The following TRPM6 variants were observed in gnomAD, a reference collection of about 807,000 sequenced individuals.
TRPM6 encodes channel kinase 2.
In TRPM6, 111 loss-of-function variants were observed where a neutral mutation model predicts 247.6. That is an observed-to-expected ratio of 0.45 (90% CI 0.38 to 0.52). TRPM6 has a LOEUF of 0.52. Ranked by LOEUF, TRPM6 falls within the 20% of genes least tolerant of loss-of-function variation. The pLI is 0.00. For synonymous variants in TRPM6, 892 were observed against 853.8 expected (o/e 1.04, Z -0.78); for missense variants, 2,126 against 2,421.5 (o/e 0.88, Z 2.56).
At position 74,786,084 on chromosome 9, in the gene TRPM6, C is replaced by T; in HGVS notation, c.2709G>A (p.Lys903=). 1 of 1,614,202 alleles carries T rather than the reference C, an allele frequency of 6.2e-7. No homozygotes were observed. Among genetic ancestry groups the T allele is most frequent in the Non-Finnish European group, 8.5e-7 (1 of 1,180,030 alleles). The change falls in exon 21 of 39, where the codon AAG becomes AAA. Residue 903 remains lysine, a synonymous_variant. Transcript: ENST00000360774. The stretch of plus-strand genomic sequence containing the variant: ...AGTTCCAGTACTCACTAATCCATAC[C>T]TTCACCTTTTGGGTAAACTTCCCAG... ...SEPGKFTQKV[K]VWISEYWNLT... is the part of the protein sequence containing the mutation.
At chr9:74,790,074 T>C (rs2118962687) in intron 19 of TRPM6, among the ~76,000 whole-genome samples, 1 of 150,190 alleles carries the variant, frequency 6.7e-6, no homozygotes, top group East Asian at 2.1e-4. Flanking sequence ...TAACCTTGAT[T>C]CCTATTTCTC....
chr9:74,855,852 C>T (rs1830506415), intron 2 of TRPM6, among the ~76,000 whole-genome samples: 1 of 152,060 alleles, frequency 6.6e-6, no homozygotes, highest in African/African-American at 2.4e-5. Flanking sequence ...AAAATAATAT[C>T]TGCTTCATAA....
chr9:74,852,835 T>C (rs1830380853), intron 3 of TRPM6, among the ~76,000 whole-genome samples: 1 of 152,020 alleles, frequency 6.6e-6, no homozygotes, highest in African/African-American at 2.4e-5. Flanking sequence ...TGATCTCGGC[T>C]CGCTACAACC....
At chr9:74,807,317 A>G (rs1828559167) in intron 14 of TRPM6, among the ~76,000 whole-genome samples, 2 of 152,162 alleles carry the variant, frequency 1.3e-5, no homozygotes, top group Non-Finnish European at 2.9e-5. Flanking sequence ...AACATACCTG[A>G]ATATCCAAAG....
intron 3 of TRPM6, among the ~76,000 whole-genome samples, chr9:74,852,802 G>A (rs375144268): frequency 9.9e-5 from 15 of 152,280 alleles, no homozygotes; most frequent in South Asian, 6.2e-4. Context: ...GCTCAATGTT[G>A]CCCAGGCTGG....
intron 3 of TRPM6, among the ~76,000 whole-genome samples, chr9:74,851,748 CAA>C (rs767892848): frequency 5.7e-4 from 76 of 133,962 alleles, no homozygotes; most frequent in African/African-American, 1.4e-3. Context: ...GACTTTGTCT[CAA>C]AAAAAAAAAA....
intron 1 of TRPM6, among the ~76,000 whole-genome samples, chr9:74,873,254 C>G (rs1480919182): frequency 6.6e-6 from 1 of 152,192 alleles, no homozygotes; most frequent in Non-Finnish European, 1.5e-5. Flanking sequence ...TCTGGAAACT[C>G]TCAAGTCTGA....
chr9:74,787,967 G>A (rs1357152441), intron 20 of TRPM6, among the ~76,000 whole-genome samples: 5 of 151,736 alleles, frequency 3.3e-5, no homozygotes, highest in African/African-American at 7.3e-5. Context: ...TGCCTGCCTC[G>A]GCCTCCCAAA....
Position 74,791,731 on chromosome 9 carries a change from C to T in TRPM6, c.2538+893G>A, listed in dbSNP as rs532872357. Among the ~76,000 whole-genome samples the T allele has an allele frequency of 6.6e-5, 10 of 152,226 alleles. No homozygotes were observed. In the South Asian group the frequency reaches 1.7e-3, roughly 25 times the overall value. On this transcript the variant is annotated intron_variant, in intron 19 of 38. Coordinates refer to ENST00000360774, the MANE Select transcript of TRPM6 (RefSeq NM_017662.5). Reference sequence around the variant, plus strand: ...CATTTTCTACCTATATAACACATTCCTACAAACAAAAAGCTGATTCAATTG... The same window carrying T: ...CATTTTCTACCTATATAACACATTCTTACAAACAAAAAGCTGATTCAATTG...
At chr9:74,727,963 C>T (rs373375655) in intron 38 of TRPM6, among the ~76,000 whole-genome samples, 1 of 152,124 alleles carries the variant, frequency 6.6e-6, no homozygotes, top group African/African-American at 2.4e-5. Context: ...GGTCAGATTT[C>T]ATCCCATTTA....
chr9:74,841,624 C>A (rs976378195), intron 4 of TRPM6, among the ~76,000 whole-genome samples: 3 of 152,078 alleles, frequency 2.0e-5, no homozygotes, highest in Admixed American at 6.5e-5. Context: ...CCAGCCTCAG[C>A]CTCCCAAGTA....
chr9:74,803,037 A>G (rs1175071456), intron 15 of TRPM6, among the ~76,000 whole-genome samples: 1 of 152,038 alleles, frequency 6.6e-6, no homozygotes, highest in Non-Finnish European at 1.5e-5. Flanking sequence ...TTCAATAATT[A>G]CTCCTTTTAA....
At chr9:74,866,393 CAG>C (rs1830844115) in intron 1 of TRPM6, among the ~76,000 whole-genome samples, 1 of 152,104 alleles carries the variant, frequency 6.6e-6, no homozygotes, top group African/African-American at 2.4e-5. Context: ...AAAAATAAGA[CAG>C]AGAGAAAAAC....
At chr9:74,788,582 T>G (rs898296697) in intron 20 of TRPM6, 32 bp downstream of exon 20, 2 of 1,612,972 alleles carry the variant, frequency 1.2e-6, no homozygotes, top group Non-Finnish European at 1.7e-6. Context: ...TGAGGACATA[T>G]GCAGAAGATA....
At position 74,817,293 on chromosome 9, in the gene TRPM6, G is replaced by A. The variant is rs546494328; in HGVS notation, c.1135-329C>T. Among the ~76,000 whole-genome samples, 37 of 152,290 alleles carry A rather than the reference G, an allele frequency of 2.4e-4. 1 individual carries two copies. In the South Asian group the frequency reaches 7.7e-3, roughly 32 times the overall value. On this transcript the variant is annotated intron_variant, in intron 9 of 38. Transcript: ENST00000360774. ...ATAAAATCATGTCTCCTTTCAAAGA[G>A]ACAACGAATGAAATCCTTCATTCAC...
intron 2 of TRPM6, among the ~76,000 whole-genome samples, chr9:74,856,467 C>CTGTGTGTGTGTGTG (rs57338419): frequency 1.1e-4 from 16 of 147,714 alleles, no homozygotes; most frequent in African/African-American, 4.0e-4. Flanking sequence ...GTGTGTGTGT[C>CTGTGTGTGTGTGTG]TGTGTGTGTG....
chr9:74,776,029 T>C lies in TRPM6; in HGVS notation c.3257A>G (p.Tyr1086Cys). The C allele has an allele frequency of 6.2e-7, 1 of 1,614,106 alleles. No homozygotes were observed. Among genetic ancestry groups the C allele is most frequent in the South Asian group, 1.1e-5 (1 of 91,082 alleles). Residue 1086 changes from tyrosine (Y) to cysteine (C), a missense_variant, in exon 24 of 39, where the codon TAC (tyrosine) becomes TGC (cysteine). Transcript: ENST00000360774. ...MESISNNLWK[Y>C]NRYRYIMTYH... is the part of the protein sequence containing the mutation. Reference sequence around the variant, plus strand: ...GGTCATGATGTAGCGATAGCGGTTGTATTTCCACAGGTTATTTGAAATGGA... The same window carrying C: ...GGTCATGATGTAGCGATAGCGGTTGCATTTCCACAGGTTATTTGAAATGGA...
At chr9:74,817,785 T>G (rs965926203) in intron 9 of TRPM6, among the ~76,000 whole-genome samples, 2 of 152,192 alleles carry the variant, frequency 1.3e-5, no homozygotes, top group Non-Finnish European at 2.9e-5. Context: ...CTCAGTCTTT[T>G]TAAATTAAAA....
rs372592618 is a variant in TRPM6 at position 74,800,414 on chromosome 9, G to A, written c.2078C>T (p.Thr693Met). 6 of 1,613,970 alleles carry A rather than the reference G, an allele frequency of 3.7e-6. No individual in the cohort carries two copies. The highest frequency in any genetic ancestry group is 1.3e-5 in the African/African-American group (1 of 74,948). The change falls in exon 17 of 39, where the codon ACG becomes ATG. Residue 693 changes from threonine (T) to methionine (M), a missense_variant. Around this residue, in one of 3 missense-constraint regions of TRPM6, gnomAD observed 1,082 missense variants for 1,307.9 expected, o/e 0.83. Transcript: ENST00000360774. The stretch of plus-strand genomic sequence containing the variant: ...GTTCCTGAGTTCATACGTCAACAGC[G>A]TCATGGCCATGCGCTCATTCTGCTT... ...AFKQNERMAMTLLTYELRNWS... is the reference protein window; with the variant it reads ...AFKQNERMAMMLLTYELRNWS...
Sources: gnomAD v4.1 joint callset for allele counts (sites outside exome capture counted in the v4.1 genomes callset) on GRCh38, gnomAD v4.1.1 for gene constraint, gnomAD v4.1.1 regional missense constraint, MANE v1.5 for transcripts, NCBI Gene and HGNC (gene_info 2026-07-23, HGNC 2026-07-21) for gene names.